Variants in STPG2 observed in about 807,000 individuals in gnomAD.
STPG2 encodes sperm tail PG-rich repeat containing 2.
Under a neutral mutation model 54.2 loss-of-function variants are expected in STPG2, and 56 were observed. The ratio of observed to expected loss-of-function variants is 1.03; its 90% confidence interval spans 0.83 to 1.29. The LOEUF (loss-of-function observed/expected upper bound fraction) is 1.29. Ranked by LOEUF, STPG2 falls within the 50% of genes most tolerant of loss-of-function variation. The pLI is 0.00. For synonymous variants in STPG2, 200 were observed against 181.8 expected (o/e 1.10, Z -0.81); for missense variants, 596 against 544.9 (o/e 1.09, Z -0.93).
chr4:97,500,749 T>C (rs371356829), intron 4 of STPG2, among the ~76,000 whole-genome samples: 4 of 151,986 alleles, frequency 2.6e-5, no homozygotes, highest in Admixed American at 6.6e-5. Context: ...TCAGATAAGA[T>C]GAGGACCGAG....
intron 8 of STPG2, among the ~76,000 whole-genome samples, chr4:97,867,796 A>G (rs1729846533): frequency 6.6e-6 from 1 of 152,130 alleles, no homozygotes; most frequent in East Asian, 1.9e-4. Flanking sequence ...AGCAAAATGG[A>G]TACTTCATTT....
intron 9 of STPG2, among the ~76,000 whole-genome samples, chr4:97,755,604 T>C (rs1398446645): frequency 6.6e-5 from 10 of 152,198 alleles, no homozygotes; most frequent in Non-Finnish European, 1.3e-4. Context: ...ATAAACTATC[T>C]GGCTCTCAAG....
At chr4:97,926,902 T>A (rs1732350250) in intron 8 of STPG2, among the ~76,000 whole-genome samples, 2 of 152,024 alleles carry the variant, frequency 1.3e-5, no homozygotes, top group Non-Finnish European at 2.9e-5. Flanking sequence ...ATAGTAGGCT[T>A]ATAGCCTACT....
At chr4:97,616,484 A>G (rs952169247) in intron 10 of STPG2, among the ~76,000 whole-genome samples, 1 of 152,100 alleles carries the variant, frequency 6.6e-6, no homozygotes, top group Non-Finnish European at 1.5e-5. Context: ...GTATCTATCT[A>G]GAAACAGAAG....
At chr4:97,537,055 C>T (rs1731549130) in intron 4 of STPG2, among the ~76,000 whole-genome samples, 1 of 151,982 alleles carries the variant, frequency 6.6e-6, no homozygotes. Flanking sequence ...TTAATAAAGA[C>T]CATTAGGGCA....
intron 8 of STPG2, among the ~76,000 whole-genome samples, chr4:97,937,878 A>T (rs1732806413): frequency 6.6e-6 from 1 of 152,166 alleles, no homozygotes; most frequent in Admixed American, 6.5e-5. Context: ...CGCAGGAACC[A>T]AGACCCATTT....
chr4:97,920,483 C>T (rs1358255963), intron 8 of STPG2, among the ~76,000 whole-genome samples: 1 of 152,196 alleles, frequency 6.6e-6, no homozygotes, highest in African/African-American at 2.4e-5. Context: ...TCACAATTAA[C>T]AAGTGGAAAT....
intron 8 of STPG2, among the ~76,000 whole-genome samples, chr4:97,916,111 A>T (rs533625375): frequency 3.3e-5 from 5 of 152,138 alleles, no homozygotes; most frequent in Non-Finnish European, 7.4e-5. Flanking sequence ...ATGTTTTCCT[A>T]GTGTAATTAC....
chr4:97,875,358 T>G (rs1454840171), intron 8 of STPG2, among the ~76,000 whole-genome samples: 2 of 151,794 alleles, frequency 1.3e-5, no homozygotes, highest in African/African-American at 4.8e-5. Context: ...TATATATTTT[T>G]TAAAGGCCAA....
chr4:98,014,079 TC>T (rs1376246731), intron 5 of STPG2, among the ~76,000 whole-genome samples: 1 of 152,182 alleles, frequency 6.6e-6, no homozygotes, highest in African/African-American at 2.4e-5. Flanking sequence ...CGATTTGAGA[TC>T]CTTCTATCTT....
chr4:97,538,387 T>C (rs1364228405), intron 4 of STPG2, among the ~76,000 whole-genome samples: 1 of 152,016 alleles, frequency 6.6e-6, no homozygotes, highest in African/African-American at 2.4e-5. Flanking sequence ...AACAACTACG[T>C]GACAAATGCA....
In STPG2 at chr4:97,840,935, G is replaced by T. The variant is rs760737763; in HGVS notation, c.1045-3C>A. On this transcript the variant is annotated splice_region_variant and splice_polypyrimidine_tract_variant and intron_variant, in intron 8 of 10. Transcript: ENST00000295268. ...TAGCTGCCTGGCGCTGGAATAACCT[G>T]AAAAAAAATTTAATAGATGAGCATA... is the stretch of plus-strand genomic sequence containing the variant. 1.3e-5 allele frequency: 21 copies of T among 1,604,942 alleles called. No homozygotes were observed. Among genetic ancestry groups the T allele is most frequent in the Non-Finnish European group, 1.7e-5 (20 of 1,176,340 alleles).
intron 4 of STPG2, among the ~76,000 whole-genome samples, chr4:97,521,849 C>G (rs1187664677): frequency 6.6e-6 from 1 of 151,868 alleles, no homozygotes; most frequent in South Asian, 2.1e-4. Context: ...GTGATGCATG[C>G]TTGTAGTATC....
At chr4:97,528,947 C>T (rs1731350302) in intron 4 of STPG2, among the ~76,000 whole-genome samples, 1 of 152,142 alleles carries the variant, frequency 6.6e-6, no homozygotes, top group African/African-American at 2.4e-5. Context: ...ATCTGACTTC[C>T]TCTCTTCCTA....
chr4:97,844,715 T>A (rs561892618), intron 8 of STPG2, among the ~76,000 whole-genome samples: 22 of 152,146 alleles, frequency 1.4e-4, no homozygotes, highest in Non-Finnish European at 2.2e-4. Context: ...TGGTTTTTTT[T>A]ATTACATTTG....
chr4:97,695,112 C>T (rs1401733207), intron 10 of STPG2, among the ~76,000 whole-genome samples: 3 of 150,398 alleles, frequency 2.0e-5, no homozygotes. Flanking sequence ...AGTAGCTAGC[C>T]AAACCCAAAA....
At chr4:97,612,251 AAAAAAAAAAC>A (rs1274202055) in intron 10 of STPG2, among the ~76,000 whole-genome samples, 1 of 15,230 alleles carries the variant, frequency 6.6e-5, no homozygotes, top group Non-Finnish European at 3.2e-4. Flanking sequence ...TAAAATGGCA[AAAAAAAAAAC>A]AAAAAAAAAC....
chr4:97,570,972 T>G (rs1732585311), intron 10 of STPG2, among the ~76,000 whole-genome samples: 1 of 152,154 alleles, frequency 6.6e-6, no homozygotes. Context: ...ATTTTTCCCC[T>G]GCAGAACTTA....
chr4:98,068,541 A>G (rs1028308364), intron 5 of STPG2, among the ~76,000 whole-genome samples: 1 of 152,152 alleles, frequency 6.6e-6, no homozygotes, highest in Non-Finnish European at 1.5e-5. Flanking sequence ...GAGTTTCATG[A>G]TAATATTAAA....
Sources: gnomAD v4.1 joint callset for allele counts (sites outside exome capture counted in the v4.1 genomes callset) on GRCh38, gnomAD v4.1.1 for gene constraint, MANE v1.5 for transcripts, NCBI Gene and HGNC (gene_info 2026-07-23, HGNC 2026-07-21) for gene names.